The following MTG1 variants were observed in gnomAD, a reference collection of about 807,000 sequenced individuals.
MTG1 encodes the protein mitochondrial ribosome-associated GTPase 1.
A neutral mutation model predicts 39.5 loss-of-function variants in MTG1; 30 were observed. The ratio of observed to expected loss-of-function variants is 0.76; its 90% CI spans 0.57 to 1.03. MTG1 has a LOEUF of 1.03. MTG1 is among the 50% of genes least tolerant of loss of function. The pLI is 0.00. For missense variants in MTG1, 513 were observed against 447.4 expected (o/e 1.15, Z -1.32); for synonymous variants, 217 against 179.0 (o/e 1.21, Z -1.69).
chr10:133,394,394 C>A (rs1037250262), intron 1 of MTG1, 62 bp downstream of exon 1: 2 of 1,379,186 alleles, frequency 1.5e-6, no homozygotes, highest in Admixed American at 6.2e-5. Flanking sequence ...GCTTCCCTCC[C>A]ACCCCGGTTT....
chr10:133,397,018 C>T (rs1849793362), intron 3 of MTG1, among the ~76,000 whole-genome samples: 1 of 152,172 alleles, frequency 6.6e-6, no homozygotes, highest in African/African-American at 2.4e-5. Flanking sequence ...TACTCCTCCA[C>T]CTCTTGTGGA....
Position 133,394,265 on chromosome 10 carries a change from C to T in MTG1, c.45C>T (p.Ala15=), listed in dbSNP as rs914327057. Residue 15 remains alanine (A), a synonymous_variant, in exon 1 of 11, where the codon GCC becomes GCT. Coordinates refer to ENST00000317502, the MANE Select transcript of MTG1 (RefSeq NM_138384.4). The part of the protein sequence containing the change: ...PRALCSAAQA[A]WRENFPLCGR... ...CGCTGTGCAGCGCCGCCCAGGCCGC[C>T]TGGCGGGAGAACTTCCCCCTGTGCG... The T allele has an allele frequency of 4.0e-6, 6 of 1,517,822 alleles. No homozygotes were observed. In the African/African-American group the frequency reaches 8.6e-5, roughly 22 times the overall value. The allele number at this position is 1,517,822 out of a possible 1,614,324, so 94.0% of individuals were successfully genotyped here.
At chr10:133,413,000 A>G (rs1850069052) in intron 9 of MTG1, among the ~76,000 whole-genome samples, 1 of 152,052 alleles carries the variant, frequency 6.6e-6, no homozygotes, top group African/African-American at 2.4e-5. Context: ...CGCTCAGGAG[A>G]TTGTTATGTC....
In MTG1 at chr10:133,398,463, G is replaced by T. The variant is rs764708020; in HGVS notation, c.311G>T (p.Gly104Val). 4 of 1,612,968 alleles carry T rather than the reference G, an allele frequency of 2.5e-6. No homozygotes were observed. The East Asian group carries it at 6.7e-5, about 27-fold the overall frequency. Residue 104 changes from glycine to valine, a missense_variant, in exon 4 of 11, where the codon GGC (glycine) becomes GTC (valine). Transcript: ENST00000317502. The stretch of plus-strand genomic sequence containing the variant: ...ATTATGCAACACTTAGAAGGAGAAG[G>T]CCTAAAAAATGTCATTTTTACCAAC... ...QKIMQHLEGE[G>V]LKNVIFTNCV...
At position 133,403,350 on chromosome 10, in the gene MTG1, CCGT is replaced by C. The variant is rs1564820181; in HGVS notation, c.752+579_752+581del. ...CGTGAAATCAAGGAAATGAGCGTTC[CCGT>C]CACCCCCAGTCCCTGCTCCTCCTTC... On this transcript the variant is annotated intron_variant, in intron 9 of 10. Transcript: ENST00000317502. Among the ~76,000 whole-genome samples, 413 of 135,192 alleles carry C rather than the reference CCGT, an allele frequency of 3.1e-3. 1 individual carries two copies. Among genetic ancestry groups the C allele is most frequent in the Admixed American group, 5.0e-3 (67 of 13,502 alleles). The allele number at this position is 135,192 out of a possible 152,430, so 88.7% of individuals were successfully genotyped here. A position where few individuals can be genotyped will look rare whatever the true frequency, so the allele number is the denominator to read the frequency against.
chr10:133,402,252 CG>C lies in MTG1; in HGVS notation c.670+11del. 1.5e-6 allele frequency: 2 copies of C among 1,308,120 alleles called. No homozygotes were observed. Among genetic ancestry groups the C allele is most frequent in the Non-Finnish European group, 2.2e-6 (2 of 917,952 alleles). 81.0% of individuals were successfully genotyped at this position (1,308,120 alleles called of 1,614,324 possible). A position where few individuals can be genotyped will look rare whatever the true frequency, so the allele number is the denominator to read the frequency against. On this transcript the variant is annotated splice_region_variant and intron_variant, in intron 8 of 10. Coordinates refer to ENST00000317502, the MANE Select transcript of MTG1 (RefSeq NM_138384.4). The surrounding 1 kb of genome is among the most constrained non-coding windows in gnomAD (Gnocchi z 4.7). ...CTGAAGCTGGCCCTGTGTGGTGAGC[CG>C]GGGCTGGGGCTGGGGCTGGGGCTGG...
chr10:133,419,175 G>T (rs1298364355), intron 9 of MTG1, among the ~76,000 whole-genome samples: 2 of 152,258 alleles, frequency 1.3e-5, no homozygotes, highest in Non-Finnish European at 2.9e-5. Flanking sequence ...AAGCCTGTGT[G>T]TGTGAACAGC....
chr10:133,404,260 G>A (rs1473834818), intron 9 of MTG1, among the ~76,000 whole-genome samples: 2 of 150,736 alleles, frequency 1.3e-5, no homozygotes, highest in African/African-American at 2.4e-5. Context: ...CCAAGTAGCT[G>A]AGACTACAGG....
In MTG1 at chr10:133,399,544, A is replaced by T; in HGVS notation, c.436A>T (p.Ile146Phe). The part of the protein sequence containing the change: ...YHRKENLEYC[I>F]MVIGVPNVGK... ...GCCTGCGCAGAACCTGGAGTACTGT[A>T]TCATGGTCATTGGGGTCCCCAACGT... Residue 146 changes from isoleucine (I) to phenylalanine (F), a missense_variant, in exon 6 of 11, where the codon ATC becomes TTC. By Grantham distance (21) the Ile-to-Phe change is conservative. Coordinates refer to ENST00000317502, the MANE Select transcript of MTG1 (RefSeq NM_138384.4). 6.2e-7 allele frequency: 1 copy of T among 1,614,176 alleles called. No homozygotes were observed. Among genetic ancestry groups the T allele is most frequent in the East Asian group, 2.2e-5 (1 of 44,878 alleles).
At chr10:133,411,346 G>A (rs1255690790) in intron 9 of MTG1, among the ~76,000 whole-genome samples, 1 of 151,974 alleles carries the variant, frequency 6.6e-6, no homozygotes, top group African/African-American at 2.4e-5. Context: ...CTTACTACTT[G>A]TACTACTTAC....
intron 6 of MTG1, 69 bp downstream of exon 6, chr10:133,399,688 C>T (rs1849843924): frequency 6.6e-7 from 1 of 1,509,286 alleles, no homozygotes; most frequent in Admixed American, 1.7e-5. Context: ...CTGATGCCAC[C>T]ATCTTTCTTG....
At chr10:133,398,539 TCTGA>T (rs770847841) in intron 4 of MTG1, 24 bp downstream of exon 4, 12 of 1,600,692 alleles carry the variant, frequency 7.5e-6, no homozygotes, top group Non-Finnish European at 9.4e-6. Flanking sequence ...CTGTGCTCTC[TCTGA>T]CGCTTCTGCT....
intron 4 of MTG1, 141 bp downstream of exon 4, chr10:133,398,656 C>G (rs77791987): frequency 4.3e-6 from 4 of 932,302 alleles, no homozygotes; most frequent in Non-Finnish European, 6.3e-6. Flanking sequence ...CACACGGATG[C>G]GATCTCCTGG....
intron 9 of MTG1, among the ~76,000 whole-genome samples, chr10:133,414,123 G>A (rs1850086891): frequency 6.7e-6 from 1 of 149,832 alleles, no homozygotes. Flanking sequence ...GACTCTTAAC[G>A]AGCATGCTGC....
intron 9 of MTG1, among the ~76,000 whole-genome samples, chr10:133,405,893 GT>G (rs1280319445): frequency 6.6e-6 from 1 of 152,162 alleles, no homozygotes; most frequent in Admixed American, 6.5e-5. Context: ...TATTTGTAGT[GT>G]TTTGAAGAAC....
At chr10:133,417,899 T>G (rs1376973753) in intron 9 of MTG1, among the ~76,000 whole-genome samples, 1 of 152,170 alleles carries the variant, frequency 6.6e-6, no homozygotes, top group African/African-American at 2.4e-5. Flanking sequence ...GGAAGAACAT[T>G]CCATGCTCAT....
chr10:133,402,812 C>T lies in MTG1; in HGVS notation c.752+39C>T. 7.0e-7 allele frequency: 1 copy of T among 1,436,560 alleles called. No individual in the cohort carries two copies. Among genetic ancestry groups the T allele is most frequent in the Non-Finnish European group, 9.4e-7 (1 of 1,058,708 alleles). 89.0% of individuals were successfully genotyped at this position (1,436,560 alleles called of 1,614,324 possible). On this transcript the variant is annotated intron_variant, in intron 9 of 10. Transcript: ENST00000317502. This position sits in a 1 kb window ranked among gnomAD's most constrained non-coding sequence, Gnocchi z 4.7. ...ATGCAGGGCAGCTGGGGCCCCTCCT[C>T]CTAGTCACCTCATTTAAAAAAAAAA...
chr10:133,404,129 C>CTTTTTTTTTTTTTTTT (rs57165977), intron 9 of MTG1, among the ~76,000 whole-genome samples: 1 of 91,172 alleles, frequency 1.1e-5, no homozygotes, highest in Non-Finnish European at 2.0e-5. Context: ...AAGTTTTAAT[C>CTTTTTTTTTTTTTTTT]TTTTTTTTTT....
intron 4 of MTG1, 71 bp from the exon 5 acceptor site, chr10:133,399,099 G>C: frequency 2.0e-6 from 3 of 1,530,090 alleles, no homozygotes; most frequent in Non-Finnish European, 2.7e-6. Flanking sequence ...CTGTTCTGAG[G>C]TGGCAGAAGG....
Sources: allele counts gnomAD v4.1 joint callset (sites outside exome capture counted in the v4.1 genomes callset), GRCh38; gene constraint gnomAD v4.1.1; non-coding constraint Gnocchi (gnomAD v3.1); transcripts MANE v1.5; gene names NCBI Gene and HGNC (gene_info 2026-07-23, HGNC 2026-07-21).